Variants in FRMD4A observed in about 807,000 individuals in gnomAD.
FRMD4A encodes the protein FERM domain containing 4A, also known as FERM domain-containing protein 4A.
A neutral mutation model predicts 129.1 loss-of-function variants in FRMD4A; 29 were observed. The ratio of observed to expected loss-of-function variants is 0.22; its 90% CI spans 0.17 to 0.31. The LOEUF is 0.31. Among genes scored for constraint, FRMD4A ranks in the 10% least tolerant of loss-of-function variants. The pLI is 1.00. For missense variants in FRMD4A, 1,272 were observed against 1,375.8 expected, an observed-to-expected ratio of 0.92 and a Z score of 1.19; for synonymous variants, 634 against 571.6, an observed-to-expected ratio of 1.11 and a Z score of -1.56.
intron 2 of FRMD4A, among the ~76,000 whole-genome samples, chr10:13,970,236 C>T (rs2095509503): frequency 6.6e-6 from 1 of 152,148 alleles, no homozygotes; most frequent in Non-Finnish European, 1.5e-5. Context: ...TAGGTACGTG[C>T]CCTTCAAGCA....
At chr10:13,740,403 AC>A (rs1216775890) in intron 10 of FRMD4A, 108 bp downstream of exon 10, 3 of 872,714 alleles carry the variant, frequency 3.4e-6, no homozygotes, top group Admixed American at 2.0e-5. Flanking sequence ...GGAAACATAC[AC>A]CCCCCACTCC....
At chr10:14,277,988 C>G (rs576975709) in intron 2 of FRMD4A, among the ~76,000 whole-genome samples, 5 of 152,198 alleles carry the variant, frequency 3.3e-5, no homozygotes, top group Non-Finnish European at 7.3e-5. Flanking sequence ...GAATGGTGCT[C>G]AGTTCCCCCA....
intron 24 of FRMD4A, chr10:13,648,796 A>C (rs538847029): frequency 1.4e-4 from 22 of 152,284 alleles, no homozygotes; most frequent in African/African-American, 4.8e-4. Context: ...CTGTTGATGA[A>C]ATTTTTGTTT....
intron 2 of FRMD4A, among the ~76,000 whole-genome samples, chr10:14,072,927 G>T (rs1269241906): frequency 6.6e-6 from 1 of 151,888 alleles, no homozygotes; most frequent in African/African-American, 2.4e-5. Context: ...CAAAAGTCTT[G>T]GTCAAGTATA....
intron 12 of FRMD4A, chr10:13,727,748 C>T (rs966125980): frequency 6.6e-6 from 1 of 152,314 alleles, no homozygotes; most frequent in Admixed American, 6.5e-5. Flanking sequence ...TCACCCCTCC[C>T]GCTCTTCCTT....
chr10:14,315,242 T>C (rs1431046280), intron 2 of FRMD4A, among the ~76,000 whole-genome samples: 2 of 152,178 alleles, frequency 1.3e-5, no homozygotes, highest in Admixed American at 6.5e-5. Flanking sequence ...TGAATATGTA[T>C]GTCCAGCCCA....
At chr10:13,902,930 G>A (rs576307545) in intron 2 of FRMD4A, among the ~76,000 whole-genome samples, 2 of 151,778 alleles carry the variant, frequency 1.3e-5, no homozygotes, top group Non-Finnish European at 2.9e-5. Context: ...TTCTTAGCTT[G>A]GGTTAGGGTG....
intron 2 of FRMD4A, among the ~76,000 whole-genome samples, chr10:13,892,872 A>G: frequency 6.6e-6 from 1 of 152,230 alleles, no homozygotes; most frequent in East Asian, 1.9e-4. Context: ...ACTGAAAATT[A>G]TACCTTTTTC....
intron 2 of FRMD4A, among the ~76,000 whole-genome samples, chr10:14,098,767 C>T (rs1371733681): frequency 6.6e-6 from 1 of 152,104 alleles, no homozygotes; most frequent in East Asian, 1.9e-4. Flanking sequence ...TCCCTAGCAC[C>T]CATGTGGACA....
At chr10:14,114,819 T>C (rs1402103267) in intron 2 of FRMD4A, among the ~76,000 whole-genome samples, 1 of 152,228 alleles carries the variant, frequency 6.6e-6, no homozygotes, top group Admixed American at 6.5e-5. Flanking sequence ...CTGGTAGGCA[T>C]CTCAGCCTGC....
chr10:14,056,301 G>C (rs547865059), intron 2 of FRMD4A, among the ~76,000 whole-genome samples: 2 of 151,904 alleles, frequency 1.3e-5, no homozygotes, highest in Admixed American at 6.6e-5. Context: ...TAAAGTGCTG[G>C]GATTACAGGC....
chr10:13,945,745 A>G (rs1299480655), intron 2 of FRMD4A, among the ~76,000 whole-genome samples: 2 of 152,108 alleles, frequency 1.3e-5, no homozygotes, highest in Non-Finnish European at 2.9e-5. Flanking sequence ...AGCCAGGGTC[A>G]CCCCAGGAAA....
chr10:13,735,029 A>T (rs1028962833), intron 12 of FRMD4A, among the ~76,000 whole-genome samples: 1 of 152,064 alleles, frequency 6.6e-6, no homozygotes, highest in Non-Finnish European at 1.5e-5. Context: ...ATGTGCCACC[A>T]TGGCCAGCTA....
intron 21 of FRMD4A, among the ~76,000 whole-genome samples, chr10:13,657,815 T>C (rs1025062301): frequency 1.4e-5 from 2 of 143,434 alleles, no homozygotes; most frequent in African/African-American, 5.5e-5. Context: ...AATAATTCTA[T>C]AGACACAAAG....
intron 19 of FRMD4A, among the ~76,000 whole-genome samples, 156 bp from the exon 20 acceptor site, chr10:13,660,709 G>A (rs1029318901): frequency 6.6e-6 from 1 of 152,122 alleles, no homozygotes; most frequent in Non-Finnish European, 1.5e-5. Flanking sequence ...TTCCCCAGTT[G>A]CCAAGACAAG....
intron 2 of FRMD4A, among the ~76,000 whole-genome samples, chr10:14,176,803 T>C (rs773628526): frequency 1.3e-5 from 2 of 152,136 alleles, no homozygotes; most frequent in Non-Finnish European, 2.9e-5. Context: ...TTCTCTGTCC[T>C]CTTCCCCAGA....
At chr10:14,029,218 G>A (rs771448800) in intron 2 of FRMD4A, among the ~76,000 whole-genome samples, 12 of 151,722 alleles carry the variant, frequency 7.9e-5, no homozygotes, top group African/African-American at 1.7e-4. Context: ...CGGGCTTAAC[G>A]TTTTAGTGGT....
In FRMD4A at chr10:13,689,548, T is replaced by TC. The variant is rs1219973150; in HGVS notation, c.1117+4349dup. On this transcript the variant is annotated intron_variant, in intron 15 of 24. Transcript: ENST00000357447. ...ACTCTAGGAACATAGATTAGAAGAT[T>TC]CTTTTTTTTTTTTTTTTTTAAGAGA... is the stretch of plus-strand genomic sequence containing the variant. 5.4e-3 allele frequency among the ~76,000 whole-genome samples: 722 copies of TC among 133,346 alleles called. 4 individuals carry two copies. Among genetic ancestry groups the TC allele is most frequent in the African/African-American group, 0.021 (696 of 33,198 alleles). The allele number at this position is 133,346 out of a possible 152,430, so 87.5% of individuals were successfully genotyped here. A position where few individuals can be genotyped will look rare whatever the true frequency, so the allele number is the denominator to read the frequency against.
intron 12 of FRMD4A, among the ~76,000 whole-genome samples, chr10:13,713,162 A>C (rs1301767465): frequency 6.6e-6 from 1 of 152,188 alleles, no homozygotes; most frequent in Non-Finnish European, 1.5e-5. Flanking sequence ...CCCTATGAGT[A>C]ACTTCCTGTT....
Sources: allele counts gnomAD v4.1 joint callset (sites outside exome capture counted in the v4.1 genomes callset), GRCh38; gene constraint gnomAD v4.1.1; transcripts MANE v1.5; gene names NCBI Gene and HGNC (gene_info 2026-07-23, HGNC 2026-07-21).